Variants in TRIM27 observed in about 807,000 individuals in gnomAD.
The protein encoded by TRIM27 is tripartite motif containing 27.
TRIM27 carries 12 observed loss-of-function variants against 57.6 expected under a neutral mutation model. The observed-to-expected ratio is 0.21, with a 90% CI of 0.13 to 0.34. TRIM27 has a LOEUF of 0.34. Among genes scored for constraint, TRIM27 ranks in the 10% least tolerant of loss-of-function variants. The pLI is 1.00. For missense variants in TRIM27, 403 were observed against 656.8 expected, an observed-to-expected ratio of 0.61 and a Z score of 4.22; for synonymous variants, 266 against 259.0, an observed-to-expected ratio of 1.03 and a Z score of -0.26.
intron 3 of TRIM27, chr6:28,915,663 TC>T (rs1773546817): frequency 6.6e-6 from 1 of 152,176 alleles, no homozygotes; most frequent in Non-Finnish European, 1.5e-5. Context: ...GCAGCAGATA[TC>T]CTCAAATGGG....
intron 4 of TRIM27, among the ~76,000 whole-genome samples, chr6:28,909,478 G>A (rs138112092): frequency 9.8e-4 from 149 of 152,286 alleles, no homozygotes; most frequent in African/African-American, 3.4e-3. Context: ...ACTGTCTAGC[G>A]TACACGGACA....
At chr6:28,912,841 A>G (rs765388430) in intron 3 of TRIM27, among the ~76,000 whole-genome samples, 7 of 152,196 alleles carry the variant, frequency 4.6e-5, no homozygotes, top group Non-Finnish European at 7.3e-5. Flanking sequence ...GGTGCATGCG[A>G]TAATTTAACA....
rs1772603256 is a variant in TRIM27 at position 28,904,263 on chromosome 6, TAGA to T, written c.1346_1348del (p.Phe449del). ...GGTGTGACACCTCTCTGTCACGTTG[TAGA>T]AGGAGACCTCACCAGCATCATAGTC... On this transcript the variant is annotated inframe_deletion, in exon 8 of 8. Transcript: ENST00000377199. The surrounding 1 kb of genome is among the most constrained non-coding windows in gnomAD (Gnocchi z 6.1). 2 of 1,613,002 alleles carry T rather than the reference TAGA, an allele frequency of 1.2e-6. No individual in the cohort carries two copies. The highest frequency in any genetic ancestry group is 2.2e-5 in the East Asian group (1 of 44,892).
chr6:28,923,401 C>T lies in TRIM27; in HGVS notation c.232G>A (p.Val78Ile), dbSNP rs1285000588. 2 of 1,612,332 alleles carry T rather than the reference C, an allele frequency of 1.2e-6. No individual in the cohort carries two copies. Among genetic ancestry groups the T allele is most frequent in the Admixed American group, 3.3e-5 (2 of 59,984 alleles). Residue 78 changes from valine to isoleucine, a missense_variant, in exon 1 of 8, where the codon GTA (valine) becomes ATA (isoleucine). By Grantham distance (29) the Val-to-Ile change is conservative (BLOSUM62 3). Coordinates refer to ENST00000377199, the MANE Select transcript of TRIM27 (RefSeq NM_006510.5). ...NRHLANVTQL[V>I]KQLRTERPSG... ...GGCCGCTCGGTGCGCAGCTGCTTTACCAGTTGGGTCACGTTGGCCAGGTGC... is the reference window on the plus strand; with the variant it reads ...GGCCGCTCGGTGCGCAGCTGCTTTATCAGTTGGGTCACGTTGGCCAGGTGC...
intron 7 of TRIM27, chr6:28,905,470 G>C (rs1772699512): frequency 6.6e-6 from 1 of 151,524 alleles, no homozygotes; most frequent in Non-Finnish European, 1.5e-5. Flanking sequence ...GGCTTTCAGA[G>C]ATTTGGGATT....
intron 3 of TRIM27, among the ~76,000 whole-genome samples, chr6:28,913,154 C>T (rs1202888252): frequency 6.6e-6 from 1 of 151,432 alleles, no homozygotes; most frequent in Non-Finnish European, 1.5e-5. Flanking sequence ...ACTCGGGAGG[C>T]TGAGGCAGGA....
intron 2 of TRIM27, 58 bp from the exon 3 acceptor site, chr6:28,920,300 C>G: frequency 7.0e-7 from 1 of 1,434,268 alleles, no homozygotes; most frequent in Non-Finnish European, 9.5e-7. Context: ...CTAGGGCCTT[C>G]ATAGTTCTCC....
At chr6:28,915,911 T>C (rs72853522) in intron 3 of TRIM27, among the ~76,000 whole-genome samples, 16,531 of 152,128 alleles carry the variant, frequency 0.11, 995 homozygotes, top group African/African-American at 0.14. Context: ...CTGAAATATA[T>C]ATTTTTTCAT....
chr6:28,910,478 C>T (rs1024720590), intron 4 of TRIM27, among the ~76,000 whole-genome samples: 5 of 152,112 alleles, frequency 3.3e-5, no homozygotes, highest in African/African-American at 1.2e-4. Flanking sequence ...TACAGGCATG[C>T]ACCACCACGC....
At chr6:28,914,617 T>C (rs912837268) in intron 3 of TRIM27, among the ~76,000 whole-genome samples, 2 of 144,528 alleles carry the variant, frequency 1.4e-5, no homozygotes, top group African/African-American at 5.2e-5. Flanking sequence ...GATTACTTAA[T>C]GGGTACAACG....
intron 2 of TRIM27, among the ~76,000 whole-genome samples, chr6:28,921,511 A>C (rs1266447860): frequency 1.3e-5 from 2 of 152,234 alleles, no homozygotes; most frequent in African/African-American, 4.8e-5. Context: ...AAGGAGAATA[A>C]GCCAAAGAGA....
Position 28,923,691 on chromosome 6 carries a change from C to T in TRIM27, c.-59G>A. On this transcript the variant is annotated 5_prime_UTR_variant, in exon 1 of 8. Coordinates refer to ENST00000377199, the MANE Select transcript of TRIM27 (RefSeq NM_006510.5). ...CCCGGCGCCGAGCTCTGCACTGAGC[C>T]CAACTCTCCGGCGCTCTCTCCGGTT... 1 of 1,443,184 alleles carries T rather than the reference C, an allele frequency of 6.9e-7. No homozygotes were observed. Among genetic ancestry groups the T allele is most frequent in the Non-Finnish European group, 9.2e-7 (1 of 1,089,164 alleles). The allele number at this position is 1,443,184 out of a possible 1,614,324, so 89.4% of individuals were successfully genotyped here. A position where few individuals can be genotyped will look rare whatever the true frequency, so the allele number is the denominator to read the frequency against.
At chr6:28,919,733 GC>G (rs1185576447) in intron 3 of TRIM27, among the ~76,000 whole-genome samples, 1 of 152,220 alleles carries the variant, frequency 6.6e-6, no homozygotes, top group African/African-American at 2.4e-5. Context: ...TGAGAGCCTT[GC>G]CTGTAATCAG....
chr6:28,913,486 T>C lies in TRIM27; in HGVS notation c.748-1768A>G, dbSNP rs574951829. Among the ~76,000 whole-genome samples, 8 of 151,512 alleles carry C rather than the reference T, an allele frequency of 5.3e-5. No homozygotes were observed. In the East Asian group the frequency reaches 1.4e-3, roughly 26 times the overall value. The stretch of plus-strand genomic sequence containing the variant: ...TGTTAATTCTAACTGTGTGTATACA[T>C]ACACACACACACATACAGTTTTGTT... On this transcript the variant is annotated intron_variant, in intron 3 of 7. Coordinates refer to ENST00000377199, the MANE Select transcript of TRIM27 (RefSeq NM_006510.5).
intron 7 of TRIM27, chr6:28,906,992 A>G: frequency 3.9e-6 from 2 of 516,726 alleles, no homozygotes; most frequent in Non-Finnish European, 6.9e-6. Context: ...TCCACCCTAT[A>G]ATCCTTCTTT....
At chr6:28,915,191 T>C (rs970265473) in intron 3 of TRIM27, 3 of 151,288 alleles carry the variant, frequency 2.0e-5, no homozygotes, top group Non-Finnish European at 2.9e-5. Flanking sequence ...TTGATATTCA[T>C]GGAGCCCCTC....
chr6:28,911,658 C>T (rs767446018), intron 4 of TRIM27, 38 bp downstream of exon 4: 9 of 1,602,394 alleles, frequency 5.6e-6, no homozygotes, highest in Non-Finnish European at 7.7e-6. Context: ...ACAGTCTTCT[C>T]ATATTTGATT....
rs371619522 is a variant in TRIM27, at chr6:28,923,546, G to A, written c.87C>T (p.Leu29=). 13 of 1,611,562 alleles carry A rather than the reference G, an allele frequency of 8.1e-6. No homozygotes were observed. The African/African-American group carries it at 1.1e-4, about 13-fold the overall frequency. The change falls in exon 1 of 8, where the codon CTC becomes CTT. Residue 29 remains leucine, a synonymous_variant. Transcript: ENST00000377199. Reference sequence around the variant, plus strand: ...CGCAACAGATGTTATGGCCGCAGTCGAGCATCATGGGCTCTGCGAAGTACT... The same window carrying A: ...CGCAACAGATGTTATGGCCGCAGTCAAGCATCATGGGCTCTGCGAAGTACT... ...CLQYFAEPMM[L]DCGHNICCAC...
chr6:28,915,927 T>C (rs1773561257), intron 3 of TRIM27, among the ~76,000 whole-genome samples: 2 of 152,134 alleles, frequency 1.3e-5, no homozygotes, highest in African/African-American at 2.4e-5. Flanking sequence ...TTCATATATA[T>C]ATTTTTTGAG....
Sources: gnomAD v4.1 joint callset for allele counts (sites outside exome capture counted in the v4.1 genomes callset) on GRCh38, gnomAD v4.1.1 for gene constraint, Gnocchi (gnomAD v3.1) non-coding constraint, MANE v1.5 for transcripts, NCBI Gene and HGNC (gene_info 2026-07-23, HGNC 2026-07-21) for gene names.